The following LSG1 variants were observed in gnomAD, a reference collection of about 807,000 sequenced individuals.
LSG1 encodes the protein large 60S subunit nuclear export GTPase 1.
Under a neutral mutation model 82.6 loss-of-function variants are expected in LSG1, and 55 were observed. That is an observed-to-expected ratio of 0.67 (90% CI 0.54 to 0.83). LSG1 has a LOEUF of 0.83. LSG1 is among the 40% of genes least tolerant of loss of function. LSG1 has a pLI of 0.00. For missense variants in LSG1, 809 were observed against 807.9 expected, an observed-to-expected ratio of 1.00 and a Z score of -0.02; for synonymous variants, 272 against 282.5, an observed-to-expected ratio of 0.96 and a Z score of 0.37.
Position 194,641,950 on chromosome 3 carries a change from T to G in LSG1, c.*118A>C. ...GAGACTGTTGGGTGCAGCCGTGCTC[T>G]GCAAGAGCAGGGCCCGTTCTACAGT... On this transcript the variant is annotated 3_prime_UTR_variant, in exon 14 of 14. Transcript: ENST00000265245. The G allele has an allele frequency of 8.9e-7, 1 of 1,128,758 alleles. No individual in the cohort carries two copies. The highest frequency in any genetic ancestry group is 2.4e-5 in the East Asian group (1 of 41,918). The allele number at this position is 1,128,758 out of a possible 1,614,324, so 69.9% of individuals were successfully genotyped here.
intron 10 of LSG1, 135 bp downstream of exon 10, chr3:194,650,746 C>G (rs951783995): frequency 6.0e-6 from 5 of 838,704 alleles, no homozygotes; most frequent in Non-Finnish European, 7.2e-6. Flanking sequence ...CTCATGCTAT[C>G]TCACAGTATA....
At position 194,670,052 on chromosome 3, in the gene LSG1, G is replaced by A; in HGVS notation, c.183C>T (p.Asp61=). 1 of 1,614,142 alleles carries A rather than the reference G, an allele frequency of 6.2e-7. No homozygotes were observed. Residue 61 remains aspartate, a synonymous_variant, in exon 2 of 14, where the codon GAC becomes GAT. Coordinates refer to ENST00000265245, the MANE Select transcript of LSG1 (RefSeq NM_018385.3). ...QSVTEQSSLD[D]FLATAELAGT... ...CTGCAAGTTCTGCAGTAGCAAGGAA[G>A]TCATCAAGGGAGCTCTGTTCAGTCA...
intron 11 of LSG1, among the ~76,000 whole-genome samples, chr3:194,648,183 AAC>A (rs1226728883): frequency 6.6e-6 from 1 of 151,808 alleles, no homozygotes; most frequent in African/African-American, 2.4e-5. Flanking sequence ...ATTGGGATAA[AAC>A]ACAGAGGTGG....
At chr3:194,644,794 T>C (rs1303601563) in intron 12 of LSG1, 48 bp from the exon 13 acceptor site, 1 of 1,517,194 alleles carries the variant, frequency 6.6e-7, no homozygotes, top group Non-Finnish European at 8.9e-7. Context: ...GTGCCATCTG[T>C]GGCCTCAGAG....
At chr3:194,664,244 C>T (rs1001911469) in intron 5 of LSG1, among the ~76,000 whole-genome samples, 17 of 152,054 alleles carry the variant, frequency 1.1e-4, no homozygotes, top group African/African-American at 3.9e-4. Flanking sequence ...TGAGCCACCG[C>T]GCTGGGCCCT....
At chr3:194,666,381 A>G in intron 3 of LSG1, 71 bp downstream of exon 3, 2 of 1,600,860 alleles carry the variant, frequency 1.2e-6, no homozygotes, top group Non-Finnish European at 1.7e-6. Context: ...TGAGAAAAAG[A>G]AGCAATTTAA....
chr3:194,665,273 C>A (rs972106008), intron 5 of LSG1, among the ~76,000 whole-genome samples: 3 of 152,168 alleles, frequency 2.0e-5, no homozygotes, highest in Admixed American at 6.5e-5. Flanking sequence ...TTCCACATTA[C>A]CAGTAGAAAC....
intron 5 of LSG1, among the ~76,000 whole-genome samples, 190 bp from the exon 6 acceptor site, chr3:194,660,323 C>T (rs1041066627): frequency 6.6e-6 from 1 of 152,108 alleles, no homozygotes; most frequent in Non-Finnish European, 1.5e-5. Context: ...GTAACTTGCC[C>T]AAGGCCACCA....
chr3:194,642,069 C>G lies in LSG1; in HGVS notation c.1976G>C (p.Ter659SerextTer33), dbSNP rs1718405032. The G allele has an allele frequency of 6.2e-7, 1 of 1,611,898 alleles. No individual in the cohort carries two copies. The highest frequency in any genetic ancestry group is 8.5e-7 in the Non-Finnish European group (1 of 1,179,914). Residue 659 changes from the stop codon to serine, a stop_lost, in exon 14 of 14, where the codon TGA (stop) becomes TCA (serine). Coordinates refer to ENST00000265245, the MANE Select transcript of LSG1 (RefSeq NM_018385.3). ...TGACATTTCTGTTGCAGCCCAACCT[C>G]ACATATCCAGGTGCTTGTAGAGTCT... ...SRRLYKHLDM* is the reference protein window; with the variant it reads ...SRRLYKHLDMS
intron 11 of LSG1, among the ~76,000 whole-genome samples, chr3:194,646,782 A>G (rs182486806): frequency 6.6e-6 from 1 of 152,272 alleles, no homozygotes; most frequent in Non-Finnish European, 1.5e-5. Context: ...CGGCCTCCCA[A>G]AGTGCTGGGA....
chr3:194,666,421 T>C (rs1318321665), intron 3 of LSG1, 31 bp downstream of exon 3: 1 of 1,609,426 alleles, frequency 6.2e-7, no homozygotes, highest in East Asian at 2.2e-5. Flanking sequence ...CTCGGATGTT[T>C]TGTGGCATTC....
intron 2 of LSG1, among the ~76,000 whole-genome samples, chr3:194,666,890 A>C (rs898824): frequency 0.64 from 97,996 of 151,946 alleles, 32,361 homozygotes; most frequent in East Asian, 0.87. Context: ...GCTTGTTAAA[A>C]ATGTAAATGC....
intron 4 of LSG1, 65 bp from the exon 5 acceptor site, chr3:194,665,708 A>G (rs1417747852): frequency 4.5e-6 from 4 of 892,258 alleles, no homozygotes; most frequent in Non-Finnish European, 7.2e-6. Flanking sequence ...AGCAGTGTAA[A>G]TGCTCAAATT....
rs748815040 is a variant in LSG1 at position 194,653,023 on chromosome 3, T to G, written c.879A>C (p.Ser293=). The G allele has an allele frequency of 4.3e-6, 7 of 1,614,174 alleles. No homozygotes were observed. The highest frequency in any genetic ancestry group is 5.9e-6 in the Non-Finnish European group (7 of 1,180,030). Residue 293 remains serine, a synonymous_variant, in exon 8 of 14, where the codon TCA becomes TCC. Transcript: ENST00000265245. ...CATCCGTTGTGGGATTTTCACTAAG[T>G]GAAGGAGAATCCCTAGCTGGGAGAT... ...SEHLPARDSP[S]LSENPTTDED... is the part of the protein sequence containing the mutation.
chr3:194,660,242 C>T, intron 5 of LSG1, 109 bp from the exon 6 acceptor site: 2 of 811,364 alleles, frequency 2.5e-6, no homozygotes, highest in South Asian at 2.8e-5. Context: ...AAGCACTGGA[C>T]ATATATTAAC....
At chr3:194,650,855 G>T in intron 10 of LSG1, 26 bp downstream of exon 10, 1 of 1,596,276 alleles carries the variant, frequency 6.3e-7, no homozygotes, top group Non-Finnish European at 8.5e-7. Context: ...GTAATAACTA[G>T]AGTGTTTCCA....
At chr3:194,656,006 T>A (rs1252312435) in intron 7 of LSG1, among the ~76,000 whole-genome samples, 1 of 152,178 alleles carries the variant, frequency 6.6e-6, no homozygotes, top group Non-Finnish European at 1.5e-5. Flanking sequence ...TAATTCACGA[T>A]GGATTAAAGA....
At chr3:194,644,532 G>A in intron 13 of LSG1, 41 bp downstream of exon 13, 1 of 1,512,350 alleles carries the variant, frequency 6.6e-7, no homozygotes. Flanking sequence ...GTTATAAAAA[G>A]AGTGTTGGAT....
chr3:194,658,273 G>T (rs1469776927), intron 7 of LSG1, among the ~76,000 whole-genome samples: 1 of 151,938 alleles, frequency 6.6e-6, no homozygotes. Flanking sequence ...TCAGCCTCCC[G>T]AGTAGCTGGG....
Sources: gnomAD v4.1 joint callset for allele counts (sites outside exome capture counted in the v4.1 genomes callset) on GRCh38, gnomAD v4.1.1 for gene constraint, MANE v1.5 for transcripts, NCBI Gene and HGNC (gene_info 2026-07-23, HGNC 2026-07-21) for gene names.